The following ABCC10 variants were observed in gnomAD, a reference collection of about 807,000 sequenced individuals.
ABCC10 encodes the protein ATP-binding cassette sub-family C member 10.
In ABCC10, 110 loss-of-function variants were observed where a neutral mutation model predicts 143.2. That is an observed-to-expected ratio of 0.77 (90% CI 0.66 to 0.90). The LOEUF is 0.90. ABCC10 is among the 40% of genes least tolerant of loss of function. The probability of loss-of-function intolerance (pLI) is 0.00; values close to 1 mark genes in which losing one functional copy is unlikely to be tolerated. For synonymous variants in ABCC10, 805 were observed against 846.7 expected (o/e 0.95, Z 0.85); for missense variants, 1,700 against 1,900.5 (o/e 0.89, Z 1.96).
chr6:43,428,010 G>T lies in ABCC10; in HGVS notation c.32G>T (p.Ser11Ile), dbSNP rs780779576. The change falls in exon 2 of 22, where the codon AGC becomes ATC. Residue 11 changes from serine to isoleucine, a missense_variant. Physicochemically the swap from Ser to Ile is moderately radical, Grantham distance 142 (BLOSUM62 -2). Transcript: ENST00000372530. MERLLAQLCG[S>I]SAAWPLPLWE... ...CGACTTCTGGCCCAGCTGTGCGGCAGCAGCGCAGCGTGGCCGCTCCCGCTG... is the reference window on the plus strand; with the variant it reads ...CGACTTCTGGCCCAGCTGTGCGGCATCAGCGCAGCGTGGCCGCTCCCGCTG... The T allele has an allele frequency of 1.2e-6, 2 of 1,610,576 alleles. No homozygotes were observed. The highest frequency in any genetic ancestry group is 1.7e-6 in the Non-Finnish European group (2 of 1,179,056).
Position 43,447,269 on chromosome 6 carries a change from CT to C in ABCC10, c.3568del (p.Tyr1190MetfsTer5). 6.2e-7 allele frequency: 1 copy of C among 1,613,752 alleles called. No individual in the cohort carries two copies. The highest frequency in any genetic ancestry group is 8.5e-7 in the Non-Finnish European group (1 of 1,179,988). On this transcript the variant is annotated frameshift_variant, in exon 17 of 22. Transcript: ENST00000372530. LOFTEE classifies it high-confidence loss of function. ...ANPGLVGLSL[S>X]YALSLTGLLS... ...CCAGGGCTGGTGGGCTTGTCGCTGT[CT>C]TATGCCCTGTCCCTGACGGGCCTGC...
At chr6:43,428,788 G>C (rs779185055) in intron 2 of ABCC10, among the ~76,000 whole-genome samples, 1 of 152,162 alleles carries the variant, frequency 6.6e-6, no homozygotes, top group Non-Finnish European at 1.5e-5. Flanking sequence ...CTCTGCCTTT[G>C]GGAGTTCCTA....
chr6:43,450,450 G>A (rs1042221717), downstream of ABCC10: 17 of 1,427,640 alleles, frequency 1.2e-5, no homozygotes, highest in African/African-American at 5.7e-5. The surrounding 1 kb of genome is among the most constrained non-coding windows in gnomAD (Gnocchi z 4.5). Flanking sequence ...CTCTGTGTGT[G>A]TACCCAAGCT....
At position 43,447,757 on chromosome 6, in the gene ABCC10, C is replaced by A. The variant is rs778693352; in HGVS notation, c.3779C>A (p.Pro1260Gln). 6.2e-7 allele frequency: 1 copy of A among 1,613,852 alleles called. No homozygotes were observed. The highest frequency in any genetic ancestry group is 1.7e-5 in the Admixed American group (1 of 60,024). ...GTGTTGGCGTACCGGCCAGGGCTGC[C>A]GAATGCCCTGGATGGAGTGACCTTC... ...DVVLAYRPGL[P>Q]NALDGVTFCV... The change falls in exon 18 of 22, where the codon CCG becomes CAG. Residue 1260 changes from proline (P) to glutamine (Q), a missense_variant. Coordinates refer to ENST00000372530, the MANE Select transcript of ABCC10 (RefSeq NM_001198934.2).
intron 9 of ABCC10, 148 bp downstream of exon 9, chr6:43,442,108 T>C (rs2127401407): frequency 1.6e-6 from 1 of 625,592 alleles, no homozygotes; most frequent in Non-Finnish European, 2.8e-6. Flanking sequence ...ATTGGCCATC[T>C]CATCCCCTTT....
In ABCC10 at chr6:43,427,863, G is replaced by T. The variant is rs772875961; in HGVS notation, c.-11-105G>T. On this transcript the variant is annotated intron_variant, in intron 1 of 21. Coordinates refer to ENST00000372530, the MANE Select transcript of ABCC10 (RefSeq NM_001198934.2). The stretch of plus-strand genomic sequence containing the variant: ...TGGCTTCGGGGCGGAAGCGACGGGC[G>T]GTCCCGGTTCCAGGGCGGGGCTGGA... The T allele has an allele frequency of 4.5e-6, 6 of 1,327,996 alleles. No homozygotes were observed. The Admixed American group carries it at 8.7e-5, about 19-fold the overall frequency. The allele number at this position is 1,327,996 out of a possible 1,614,324, so 82.3% of individuals were successfully genotyped here. A position where few individuals can be genotyped will look rare whatever the true frequency, so the allele number is the denominator to read the frequency against.
At position 43,441,891 on chromosome 6, in the gene ABCC10, G is replaced by A. The variant is rs114662925; in HGVS notation, c.2157G>A (p.Val719=). 5 of 1,613,758 alleles carry A rather than the reference G, an allele frequency of 3.1e-6. No homozygotes were observed. The highest frequency in any genetic ancestry group is 1.7e-5 in the Admixed American group (1 of 60,012). The change falls in exon 9 of 22, where the codon GTG becomes GTA. Residue 719 remains valine (V), a synonymous_variant. Coordinates refer to ENST00000372530, the MANE Select transcript of ABCC10 (RefSeq NM_001198934.2). ...SILPAGDQTE[V]GEKGVTLSGG... is the part of the protein sequence containing the mutation. ...TGCCTGCTGGAGACCAGACAGAGGT[G>A]GGGGAGAAGGGTGTCACCCTTAGCG...
At chr6:43,439,160 G>C (rs1181329918) in intron 8 of ABCC10, among the ~76,000 whole-genome samples, 1 of 152,072 alleles carries the variant, frequency 6.6e-6, no homozygotes, top group Admixed American at 6.6e-5. Context: ...GTTACCCTAG[G>C]GAAACCTGCC....
chr6:43,451,036 G>A (rs769492393), downstream of ABCC10: 7 of 1,614,094 alleles, frequency 4.3e-6, no homozygotes, highest in Non-Finnish European at 5.9e-6. This position sits in a 1 kb window ranked among gnomAD's most constrained non-coding sequence, Gnocchi z 4.4. Context: ...TGGCATGGGC[G>A]GCTGGCACAG....
At chr6:43,439,836 C>T (rs574812086) in intron 8 of ABCC10, among the ~76,000 whole-genome samples, 3 of 152,316 alleles carry the variant, frequency 2.0e-5, no homozygotes, top group Non-Finnish European at 2.9e-5. Flanking sequence ...CCCACCTTGG[C>T]CTCCCAAGGT....
Position 43,432,418 on chromosome 6 carries a change from C to T in ABCC10, c.438C>T (p.Ala146=). The T allele has an allele frequency of 3.1e-6, 5 of 1,612,030 alleles. No individual in the cohort carries two copies. The highest frequency in any genetic ancestry group is 4.2e-6 in the Non-Finnish European group (5 of 1,180,024). Residue 146 remains alanine, a synonymous_variant, in exon 3 of 22, where the codon GCC becomes GCT. Transcript: ENST00000372530. ...LALVALLPAP[A]LVLTVLWHCQ... Reference sequence around the variant, plus strand: ...TGGTAGCCTTGCTGCCAGCTCCAGCCCTAGTGCTGACCGTGTTGTGGCATT... The same window carrying T: ...TGGTAGCCTTGCTGCCAGCTCCAGCTCTAGTGCTGACCGTGTTGTGGCATT...
chr6:43,445,673 G>T lies in ABCC10; in HGVS notation c.3105G>T (p.Ala1035=), dbSNP rs372513808. ...LNRFSSDVAC[A]DDSLPFILNI... The stretch of plus-strand genomic sequence containing the variant: ...GCTTCTCCTCTGATGTGGCCTGTGC[G>T]GATGACAGCCTGCCCTTCATCCTCA... The change falls in exon 15 of 22, where the codon GCG becomes GCT. Residue 1035 remains alanine, a synonymous_variant. Transcript: ENST00000372530. The T allele has an allele frequency of 6.2e-7, 1 of 1,614,174 alleles. No homozygotes were observed. Among genetic ancestry groups the T allele is most frequent in the South Asian group, 1.1e-5 (1 of 91,086 alleles).
chr6:43,429,285 C>G (rs1780837611), intron 2 of ABCC10, among the ~76,000 whole-genome samples: 1 of 151,610 alleles, frequency 6.6e-6, no homozygotes, highest in African/African-American at 2.4e-5. Flanking sequence ...CTCCAAGGGC[C>G]CAGTGTTCTT....
downstream of ABCC10, chr6:43,450,497 G>A (rs751285254): frequency 6.6e-7 from 1 of 1,521,592 alleles, no homozygotes. This position sits in a 1 kb window ranked among gnomAD's most constrained non-coding sequence, Gnocchi z 4.5. Context: ...AGTCTGAGGG[G>A]TGGAAGAGGT....
rs376692365 is a variant in ABCC10 at position 43,437,951 on chromosome 6, C to T, written c.1893C>T (p.Ile631=). 22 of 1,612,998 alleles carry T rather than the reference C, an allele frequency of 1.4e-5. No homozygotes were observed. In the African/African-American group the frequency reaches 2.5e-4, roughly 19 times the overall value. The part of the protein sequence containing the change: ...LEVKKGMLVG[I]VGKVGCGKSS... ...CCTTGCAGGGTATGCTGGTGGGCAT[C>T]GTGGGGAAGGTCGGCTGTGGGAAGA... Residue 631 remains isoleucine, a synonymous_variant, in exon 7 of 22, where the codon ATC becomes ATT. Coordinates refer to ENST00000372530, the MANE Select transcript of ABCC10 (RefSeq NM_001198934.2).
At position 43,432,464 on chromosome 6, in the gene ABCC10, C is replaced by A. The variant is rs141369020; in HGVS notation, c.484C>A (p.Pro162Thr). 30 of 1,611,678 alleles carry A rather than the reference C, an allele frequency of 1.9e-5. No individual in the cohort carries two copies. The African/African-American group carries it at 3.9e-4, about 21-fold the overall frequency. The change falls in exon 3 of 22, where the codon CCC (proline) becomes ACC (threonine). Residue 162 changes from proline (P) to threonine (T), a missense_variant. By Grantham distance (38) the Pro-to-Thr change is conservative. Transcript: ENST00000372530. ...GCATTGCCAGCGAGGCACACTTCTG[C>A]CCCCACTTCTCCCAGGGCCCATGGC... The part of the protein sequence containing the change: ...LWHCQRGTLL[P>T]PLLPGPMARL...
chr6:43,447,744 C>T lies in ABCC10; in HGVS notation c.3766C>T (p.Arg1256Trp), dbSNP rs139000750. ...GTTCCAGGACGTGGTGTTGGCGTACCGGCCAGGGCTGCCGAATGCCCTGGA... is the reference window on the plus strand; with the variant it reads ...GTTCCAGGACGTGGTGTTGGCGTACTGGCCAGGGCTGCCGAATGCCCTGGA... ...VEFQDVVLAY[R>W]PGLPNALDGV... Residue 1256 changes from arginine (R) to tryptophan (W), a missense_variant, in exon 18 of 22, where the codon CGG (arginine) becomes TGG (tryptophan). Physicochemically the swap from Arg to Trp is moderately radical, Grantham distance 101. Coordinates refer to ENST00000372530, the MANE Select transcript of ABCC10 (RefSeq NM_001198934.2). 531 of 1,614,026 alleles carry T rather than the reference C, an allele frequency of 3.3e-4. No homozygotes were observed. Among genetic ancestry groups the T allele is most frequent in the Non-Finnish European group, 4.1e-4 (483 of 1,180,012 alleles).
At chr6:43,451,850 C>T, downstream of ABCC10, 1 of 1,529,236 alleles carries the variant, frequency 6.5e-7, no homozygotes, top group Non-Finnish European at 8.8e-7. The surrounding 1 kb of genome is among the most constrained non-coding windows in gnomAD (Gnocchi z 4.4). Context: ...ACTCTCAGTC[C>T]CCCACCCTCC....
intron 14 of ABCC10, 89 bp from the exon 15 acceptor site, chr6:43,445,510 C>T (rs751598274): frequency 8.3e-6 from 12 of 1,437,244 alleles, no homozygotes; most frequent in Non-Finnish European, 1.2e-5. Flanking sequence ...TATCTTGGGC[C>T]TTCCCCTCCA....
Sources: allele counts gnomAD v4.1 joint callset (sites outside exome capture counted in the v4.1 genomes callset), GRCh38; gene constraint gnomAD v4.1.1; non-coding constraint Gnocchi (gnomAD v3.1); transcripts MANE v1.5; gene names NCBI Gene and HGNC (gene_info 2026-07-23, HGNC 2026-07-21).